CNST: variants seen among roughly 807,000 people sequenced by gnomAD.
The protein encoded by CNST is consortin.
CNST carries 39 observed loss-of-function variants against 72.4 expected under a neutral mutation model. The observed-to-expected ratio is 0.54, with a 90% CI of 0.42 to 0.70. The LOEUF is 0.70. Ranked by LOEUF, CNST falls within the 30% of genes least tolerant of loss-of-function variation. CNST has a pLI of 0.00. For synonymous variants in CNST, 332 were observed against 320.1 expected, an observed-to-expected ratio of 1.04 and a Z score of -0.40; for missense variants, 871 against 868.5, an observed-to-expected ratio of 1.00 and a Z score of -0.04.
chr1:246,621,327 A>T, intron 2 of CNST, 102 bp from the exon 3 acceptor site: 1 of 864,166 alleles, frequency 1.2e-6, no homozygotes, highest in Non-Finnish European at 1.9e-6. Flanking sequence ...GGTCTGTTTT[A>T]GTTTGGGCAA....
chr1:246,651,722 A>G lies in CNST; in HGVS notation c.1836+3685A>G, dbSNP rs530250781. Among the ~76,000 whole-genome samples, 7 of 152,358 alleles carry G rather than the reference A, an allele frequency of 4.6e-5. No individual in the cohort carries two copies. In the East Asian group the frequency reaches 1.2e-3, roughly 25 times the overall value. On this transcript the variant is annotated intron_variant, in intron 9 of 10. Transcript: ENST00000366513. ...AAAGTGATAGCTTAATATCTGAAGT[A>G]TTGCTATTCTTTCTTACATAAAAAA...
At chr1:246,595,920 C>G (rs1009438187) in intron 2 of CNST, among the ~76,000 whole-genome samples, 4 of 152,098 alleles carry the variant, frequency 2.6e-5, no homozygotes, top group African/African-American at 9.7e-5. Context: ...TCATGTCATT[C>G]CTAATAGTCA....
intron 3 of CNST, among the ~76,000 whole-genome samples, chr1:246,625,581 C>T (rs1004276040): frequency 1.3e-5 from 2 of 151,674 alleles, no homozygotes; most frequent in African/African-American, 4.8e-5. Context: ...GCCACCACGC[C>T]CAGCTAATTT....
intron 10 of CNST, among the ~76,000 whole-genome samples, chr1:246,664,897 A>G (rs1440985269): frequency 6.6e-6 from 1 of 152,202 alleles, no homozygotes; most frequent in Non-Finnish European, 1.5e-5. Flanking sequence ...TAAATTATGA[A>G]TAATTAAGAT....
At position 246,656,838 on chromosome 1, in the gene CNST, G is replaced by T. The variant is rs185461795; in HGVS notation, c.1837-3361G>T. 1.4e-4 allele frequency among the ~76,000 whole-genome samples: 21 copies of T among 152,102 alleles called. No homozygotes were observed. The East Asian group carries it at 4.1e-3, about 29-fold the overall frequency. ...TCCCAGCTACAGGAGGCTAAGGTGG[G>T]AGGATTGCTTGAGCCTAGGAGGTTG... is the stretch of plus-strand genomic sequence containing the variant. On this transcript the variant is annotated intron_variant, in intron 9 of 10. Coordinates refer to ENST00000366513, the MANE Select transcript of CNST (RefSeq NM_152609.3).
intron 3 of CNST, among the ~76,000 whole-genome samples, chr1:246,629,933 TG>T (rs1664672645): frequency 6.6e-6 from 1 of 152,214 alleles, no homozygotes; most frequent in Non-Finnish European, 1.5e-5. Flanking sequence ...TATTTCGCCA[TG>T]TTGGCCAAGC....
chr1:246,656,383 T>A (rs1666771053), intron 9 of CNST, among the ~76,000 whole-genome samples: 1 of 152,226 alleles, frequency 6.6e-6, no homozygotes, highest in Non-Finnish European at 1.5e-5. Context: ...AAGAACTATT[T>A]ATTTGCAAAT....
intron 3 of CNST, among the ~76,000 whole-genome samples, chr1:246,628,999 A>G (rs980768667): frequency 6.6e-6 from 1 of 152,206 alleles, no homozygotes; most frequent in African/African-American, 2.4e-5. Context: ...TGCTAGATAC[A>G]TAGTCTCTCT....
At chr1:246,622,755 T>A (rs1356346976) in intron 3 of CNST, among the ~76,000 whole-genome samples, 2 of 150,626 alleles carry the variant, frequency 1.3e-5, no homozygotes, top group Non-Finnish European at 3.0e-5. Flanking sequence ...CTTTTTTTTT[T>A]ACATAAGAGC....
At position 246,568,299 on chromosome 1, in the gene CNST, G is replaced by GTGT. The variant is rs1333801990; in HGVS notation, c.-52+1638_-52+1640dup. 8.5e-5 allele frequency among the ~76,000 whole-genome samples: 13 copies of GTGT among 152,244 alleles called. 1 individual carries two copies. The highest frequency in any genetic ancestry group is 3.1e-4 in the African/African-American group (13 of 41,548). Reference sequence around the variant, plus strand: ...ATGTCATTTTTTATTTTGCTTTTGAGTGTTATTATTTTCTCTTGGTTTTGG... The same window carrying GTGT: ...ATGTCATTTTTTATTTTGCTTTTGAGTGTTGTTATTATTTTCTCTTGGTTTTGG... On this transcript the variant is annotated intron_variant, in intron 1 of 10. Transcript: ENST00000366513.
intron 1 of CNST, among the ~76,000 whole-genome samples, chr1:246,571,593 T>C (rs1290295505): frequency 6.6e-6 from 1 of 152,264 alleles, no homozygotes; most frequent in African/African-American, 2.4e-5. Context: ...AAAGACAGTG[T>C]GTGCCTATGA....
intron 1 of CNST, among the ~76,000 whole-genome samples, chr1:246,577,115 G>T (rs1293622964): frequency 1.3e-5 from 2 of 152,030 alleles, no homozygotes; most frequent in Non-Finnish European, 2.9e-5. Flanking sequence ...ACTAAGATGG[G>T]CATCTTTCAT....
chr1:246,639,788 GT>G (rs1665559284), intron 6 of CNST, among the ~76,000 whole-genome samples: 1 of 152,204 alleles, frequency 6.6e-6, no homozygotes, highest in African/African-American at 2.4e-5. Context: ...GCAACACACT[GT>G]TTTAATGAGC....
Position 246,572,688 on chromosome 1 carries a change from GTTAT to G in CNST, c.-52+6034_-52+6037del, listed in dbSNP as rs370469536. On this transcript the variant is annotated intron_variant, in intron 1 of 10. Coordinates refer to ENST00000366513, the MANE Select transcript of CNST (RefSeq NM_152609.3). ...TATTTATTGAATAATAAATAGTGGA[GTTAT>G]TTATTTATGTGTGTGATATGTGGTT... is the stretch of plus-strand genomic sequence containing the variant. 2.0e-4 allele frequency among the ~76,000 whole-genome samples: 30 copies of G among 152,174 alleles called. No homozygotes were observed. The East Asian group carries it at 3.9e-3, about 20-fold the overall frequency.
intron 6 of CNST, 98 bp downstream of exon 6, chr1:246,634,685 G>A (rs1665035286): frequency 1.4e-6 from 1 of 708,558 alleles, no homozygotes; most frequent in East Asian, 2.7e-5. Context: ...GTTTTCAACT[G>A]GAGAAATTAA....
intron 2 of CNST, among the ~76,000 whole-genome samples, chr1:246,608,353 A>G (rs959848374): frequency 2.4e-4 from 36 of 152,232 alleles, no homozygotes; most frequent in African/African-American, 8.2e-4. Context: ...TTTTTAAAAA[A>G]GAAGAGGTTT....
chr1:246,609,480 A>G lies in CNST; in HGVS notation c.380-11949A>G, dbSNP rs199951895. Reference sequence around the variant, plus strand: ...TAATCCCAGCTACTTGGGAGGCTGAAGCAGGAGAATTGCTTGAACCTGGGA... The same window carrying G: ...TAATCCCAGCTACTTGGGAGGCTGAGGCAGGAGAATTGCTTGAACCTGGGA... On this transcript the variant is annotated intron_variant, in intron 2 of 10. Transcript: ENST00000366513. 2.0e-5 allele frequency among the ~76,000 whole-genome samples: 3 copies of G among 152,004 alleles called. No individual in the cohort carries two copies. The South Asian group carries it at 6.2e-4, about 31-fold the overall frequency.
At chr1:246,592,043 T>G (rs1030066675) in intron 2 of CNST, 102 bp downstream of exon 2, 1 of 928,580 alleles carries the variant, frequency 1.1e-6, no homozygotes, top group East Asian at 2.6e-5. Context: ...CTTCTTTGCT[T>G]ACGATATTCT....
In CNST at chr1:246,666,057, G is replaced by C. The variant is rs781676826; in HGVS notation, c.*152G>C. 8.3e-6 allele frequency: 5 copies of C among 604,588 alleles called. No homozygotes were observed. Among genetic ancestry groups the C allele is most frequent in the Non-Finnish European group, 1.2e-5 (4 of 342,188 alleles). The allele number at this position is 604,588 out of a possible 1,614,324, so 37.5% of individuals were successfully genotyped here. On this transcript the variant is annotated 3_prime_UTR_variant, in exon 11 of 11. Transcript: ENST00000366513. ...AGCAACTTTAAGTGGCAAGCCGGAG[G>C]AACTCTGTTAGAATAATCCACACAG...
Sources: gnomAD v4.1 joint callset for allele counts (sites outside exome capture counted in the v4.1 genomes callset) on GRCh38, gnomAD v4.1.1 for gene constraint, MANE v1.5 for transcripts, NCBI Gene and HGNC (gene_info 2026-07-23, HGNC 2026-07-21) for gene names.